The following TRMU variants were observed in gnomAD, a reference collection of about 807,000 sequenced individuals.
TRMU encodes mitochondrial tRNA-specific 2-thiouridylase 1.
A neutral mutation model predicts 46.9 loss-of-function variants in TRMU; 49 were observed. That is an observed-to-expected ratio of 1.05 (90% CI 0.83 to 1.33). TRMU has a LOEUF of 1.33. Ranked by LOEUF, TRMU falls within the 40% of genes most tolerant of loss-of-function variation. The probability of loss-of-function intolerance (pLI) is 0.00; values close to 1 mark genes in which losing one functional copy is unlikely to be tolerated. For synonymous variants in TRMU, 241 were observed against 200.9 expected, an observed-to-expected ratio of 1.20 and a Z score of -1.69; for missense variants, 572 against 532.4, an observed-to-expected ratio of 1.07 and a Z score of -0.73.
rs913115996 is a variant in TRMU at position 46,339,292 on chromosome 22, G to A, written c.248+1348G>A. The stretch of plus-strand genomic sequence containing the variant: ...AGCCTCCCAAGTAGCTGGGATTATA[G>A]GCATGCACCACCACGCCCGGATAAT... On this transcript the variant is annotated intron_variant, in intron 2 of 10. Transcript: ENST00000645190. This position sits in a 1 kb window ranked among gnomAD's most constrained non-coding sequence, Gnocchi z 4.8. Among the ~76,000 whole-genome samples, 3 of 152,114 alleles carry A rather than the reference G, an allele frequency of 2.0e-5. No homozygotes were observed. Among genetic ancestry groups the A allele is most frequent in the Admixed American group, 6.5e-5 (1 of 15,274 alleles).
intron 9 of TRMU, 128 bp from the exon 10 acceptor site, chr22:46,355,862 G>A: frequency 8.8e-7 from 1 of 1,139,634 alleles, no homozygotes; most frequent in Non-Finnish European, 1.3e-6. Context: ...GGCCCAGGCT[G>A]GTGCCCTGCC....
intron 9 of TRMU, 140 bp from the exon 10 acceptor site, chr22:46,355,850 A>C: frequency 9.2e-7 from 1 of 1,091,734 alleles, no homozygotes; most frequent in Non-Finnish European, 1.3e-6. Context: ...TGCTGCGTCC[A>C]GGGCCCAGGC....
intron 8 of TRMU, 178 bp downstream of exon 8, chr22:46,354,045 TTTAAGGTATTCA>T: frequency 1.6e-6 from 1 of 624,458 alleles, no homozygotes; most frequent in Non-Finnish European, 2.9e-6. Context: ...GCAGGAGAGT[TTTAAGGTATTCA>T]TTAGGCTGAG....
chr22:46,341,479 G>T (rs2078121754), intron 2 of TRMU, among the ~76,000 whole-genome samples: 1 of 152,174 alleles, frequency 6.6e-6, no homozygotes, highest in South Asian at 2.1e-4. Flanking sequence ...AAACAGTTTG[G>T]TGCCTGCTAA....
Position 46,342,211 on chromosome 22 carries a change from G to A in TRMU, c.249-1051G>A, listed in dbSNP as rs904280679. On this transcript the variant is annotated intron_variant, in intron 2 of 10. Transcript: ENST00000645190. This position sits in a 1 kb window ranked among gnomAD's most constrained non-coding sequence, Gnocchi z 4.7. ...CTTATGACCAACTGGCTTCCAGTTG[G>A]GATTCCCATAACTTCCTCTTTGGGT... Among the ~76,000 whole-genome samples the A allele has an allele frequency of 3.3e-5, 5 of 152,164 alleles. No homozygotes were observed. Among genetic ancestry groups the A allele is most frequent in the African/African-American group, 1.2e-4 (5 of 41,420 alleles).
rs2078390858 is a variant in TRMU at position 46,350,612 on chromosome 22, T to C, written c.651+149T>C. The C allele has an allele frequency of 3.1e-6, 3 of 980,652 alleles. No homozygotes were observed. The highest frequency in any genetic ancestry group is 2.7e-5 in the South Asian group (2 of 74,284). The allele number at this position is 980,652 out of a possible 1,614,324, so 60.7% of individuals were successfully genotyped here. A position where few individuals can be genotyped will look rare whatever the true frequency, so the allele number is the denominator to read the frequency against. On this transcript the variant is annotated intron_variant, in intron 5 of 10. Transcript: ENST00000645190. This position sits in a 1 kb window ranked among gnomAD's most constrained non-coding sequence, Gnocchi z 4.6. ...GCCTTGGAGCAATAGATGGAGGAGT[T>C]TGCTGAGGCGCACGGTACAGGGCTC...
In TRMU at chr22:46,342,160, G is replaced by A. The variant is rs5768745; in HGVS notation, c.249-1102G>A. 6.6e-6 allele frequency among the ~76,000 whole-genome samples: 1 copy of A among 152,218 alleles called. No individual in the cohort carries two copies. The highest frequency in any genetic ancestry group is 1.5e-5 in the Non-Finnish European group (1 of 68,034). ...CCCCAGACGGACTCCCCCCACAACA[G>A]CAGTCGAAAGTATGGGCCTCTAGAA... On this transcript the variant is annotated intron_variant, in intron 2 of 10. Coordinates refer to ENST00000645190, the MANE Select transcript of TRMU (RefSeq NM_018006.5). This position sits in a 1 kb window ranked among gnomAD's most constrained non-coding sequence, Gnocchi z 4.7.
intron 10 of TRMU, 41 bp downstream of exon 10, chr22:46,356,113 G>C: frequency 6.2e-7 from 1 of 1,609,618 alleles, no homozygotes; most frequent in East Asian, 2.2e-5. Flanking sequence ...GGACTGTACT[G>C]CTCTGCACCC....
intron 8 of TRMU, chr22:46,354,274 A>G (rs1375438665): frequency 3.5e-6 from 1 of 282,344 alleles, no homozygotes; most frequent in African/African-American, 2.2e-5. Flanking sequence ...GGATCAAACC[A>G]AGCCTTCCAC....
intron 2 of TRMU, among the ~76,000 whole-genome samples, chr22:46,340,955 G>A (rs2078107420): frequency 6.6e-6 from 1 of 152,236 alleles, no homozygotes; most frequent in Admixed American, 6.5e-5. Flanking sequence ...TGGAGGCATT[G>A]GTCTTTCCGC....
At chr22:46,355,339 G>A in intron 8 of TRMU, 105 bp from the exon 9 acceptor site, 1 of 1,278,850 alleles carries the variant, frequency 7.8e-7, no homozygotes, top group Non-Finnish European at 1.1e-6. Context: ...ACCGTTACCT[G>A]TGTGTGTGTG....
At chr22:46,346,024 G>A (rs1400056219) in intron 3 of TRMU, among the ~76,000 whole-genome samples, 1 of 152,026 alleles carries the variant, frequency 6.6e-6, no homozygotes, top group Non-Finnish European at 1.5e-5. Flanking sequence ...GCCCGCCTCG[G>A]CCTCCCAGAG....
chr22:46,352,679 CAGGGAGTA>C, intron 7 of TRMU: 1 of 390,380 alleles, frequency 2.6e-6, no homozygotes, highest in East Asian at 6.1e-5. Flanking sequence ...CACTCTGATT[CAGGGAGTA>C]AGGTGGACGT....
At chr22:46,352,351 C>CT in intron 7 of TRMU, 21 bp downstream of exon 7, 6 of 1,613,598 alleles carry the variant, frequency 3.7e-6, no homozygotes, top group Non-Finnish European at 5.1e-6. Context: ...GACTCTGCCA[C>CT]TTGTCATCTG....
Position 46,335,859 on chromosome 22 carries a change from A to G in TRMU, c.82+13A>G, listed in dbSNP as rs1230466047. On this transcript the variant is annotated intron_variant, in intron 1 of 10. Transcript: ENST00000645190. ...CTGAGGCGGAGAGGTGAGGCGTCCGAGGCTCCCGCCCCCCGCCGAGCGAAT... is the reference window on the plus strand; with the variant it reads ...CTGAGGCGGAGAGGTGAGGCGTCCGGGGCTCCCGCCCCCCGCCGAGCGAAT... 1.3e-6 allele frequency: 2 copies of G among 1,536,628 alleles called. No homozygotes were observed. The highest frequency in any genetic ancestry group is 1.7e-6 in the Non-Finnish European group (2 of 1,147,106).
Position 46,349,773 on chromosome 22 carries a change from T to G in TRMU, c.479-518T>G, listed in dbSNP as rs2078357987. ...AAAAAAACGTTTTTACCAAGAAAGCTAATGCCTTCACAGGTAGGGCGCTGC... is the reference window on the plus strand; with the variant it reads ...AAAAAAACGTTTTTACCAAGAAAGCGAATGCCTTCACAGGTAGGGCGCTGC... On this transcript the variant is annotated intron_variant, in intron 4 of 10. Transcript: ENST00000645190. This position sits in a 1 kb window ranked among gnomAD's most constrained non-coding sequence, Gnocchi z 4.6. Among the ~76,000 whole-genome samples the G allele has an allele frequency of 6.6e-6, 1 of 152,180 alleles. No homozygotes were observed. Among genetic ancestry groups the G allele is most frequent in the Non-Finnish European group, 1.5e-5 (1 of 68,038 alleles).
Position 46,356,868 on chromosome 22 carries a change from G to C in TRMU, c.1128G>C (p.Glu376Asp). The change falls in exon 11 of 11, where the codon GAG becomes GAC. Residue 376 changes from glutamate to aspartate, a missense_variant. By Grantham distance (45) the Glu-to-Asp change is conservative (BLOSUM62 2). Transcript: ENST00000645190. Reference protein sequence around the residue: ...GQFAVFYKGDECLGSGKILRL... With the variant: ...GQFAVFYKGDDCLGSGKILRL... ...TTGCTGTGTTCTACAAGGGGGACGA[G>C]TGCCTGGGCAGCGGGAAGATCCTGC... 6.2e-7 allele frequency: 1 copy of C among 1,613,460 alleles called. No homozygotes were observed. The highest frequency in any genetic ancestry group is 8.5e-7 in the Non-Finnish European group (1 of 1,179,956).
chr22:46,355,173 C>T, intron 8 of TRMU: 3 of 566,940 alleles, frequency 5.3e-6, no homozygotes, highest in Admixed American at 3.0e-5. Context: ...GCAGCATTCA[C>T]TGTCATGGGC....
At position 46,349,980 on chromosome 22, in the gene TRMU, G is replaced by GTTT. The variant is rs58315215; in HGVS notation, c.479-298_479-296dup. On this transcript the variant is annotated intron_variant, in intron 4 of 10. Coordinates refer to ENST00000645190, the MANE Select transcript of TRMU (RefSeq NM_018006.5). The surrounding 1 kb of genome is among the most constrained non-coding windows in gnomAD (Gnocchi z 4.6). ...AGATTTGGCTGAATTTATTTTAGGT[G>GTTT]TTTTTTTTTTTTTTTCTTATCACTT... Among the ~76,000 whole-genome samples, 1 of 130,898 alleles carries GTTT rather than the reference G, an allele frequency of 7.6e-6. No homozygotes were observed. Among genetic ancestry groups the GTTT allele is most frequent in the Non-Finnish European group, 1.7e-5 (1 of 58,838 alleles). The allele number at this position is 130,898 out of a possible 152,430, so 85.9% of individuals were successfully genotyped here.
Sources: allele counts gnomAD v4.1 joint callset (sites outside exome capture counted in the v4.1 genomes callset), GRCh38; gene constraint gnomAD v4.1.1; non-coding constraint Gnocchi (gnomAD v3.1); transcripts MANE v1.5; gene names NCBI Gene and HGNC (gene_info 2026-07-23, HGNC 2026-07-21).